PES1: variants seen among roughly 807,000 people sequenced by gnomAD.
The protein encoded by PES1 is pescadillo homolog.
In PES1, 31 loss-of-function variants were observed where a neutral mutation model predicts 77.1. The observed-to-expected ratio is 0.40, with a 90% CI of 0.30 to 0.54. The LOEUF is 0.54. Among genes scored for constraint, PES1 ranks in the 20% least tolerant of loss-of-function variants. The probability of loss-of-function intolerance (pLI) is 0.45; values close to 1 mark genes in which losing one functional copy is unlikely to be tolerated. For synonymous variants in PES1, 282 were observed against 303.0 expected, an observed-to-expected ratio of 0.93 and a Z score of 0.72; for missense variants, 658 against 771.7, an observed-to-expected ratio of 0.85 and a Z score of 1.75.
In PES1 at chr22:30,601,401, G is replaced by A. The variant is rs143283017; in HGVS notation, c.-661+4060C>T. On this transcript the variant is annotated intron_variant, in intron 2 of 16. Coordinates refer to the PES1 transcript ENST00000402281. ...GCGATCTCAGCTCACAGCAGCGTTC[G>A]CCTCCTGGGTTCCAGCGATTCTCCT... 1.8e-3 allele frequency among the ~76,000 whole-genome samples: 278 copies of A among 152,046 alleles called. 5 individuals are homozygous for A. The highest frequency in any genetic ancestry group is 3.5e-4 in the Non-Finnish European group (24 of 67,998).
chr22:30,596,337 CAA>C (rs2087251705), upstream of PES1, among the ~76,000 whole-genome samples: 1 of 136,164 alleles, frequency 7.3e-6, no homozygotes. Context: ...ATTGTTTTTT[CAA>C]GTGTGTGTGT....
At chr22:30,594,683 A>AC (rs2087230485), upstream of PES1, among the ~76,000 whole-genome samples, 1 of 151,904 alleles carries the variant, frequency 6.6e-6, no homozygotes, top group Non-Finnish European at 1.5e-5. Flanking sequence ...AAAAAAAAAA[A>AC]ACACAGCCAG....
intron 2 of PES1, among the ~76,000 whole-genome samples, chr22:30,600,772 G>A (rs1275055747): frequency 2.0e-5 from 3 of 152,156 alleles, no homozygotes; most frequent in Admixed American, 6.5e-5. Context: ...CCGAGATCGC[G>A]TCACTGCACT....
intron 2 of PES1, chr22:30,604,244 C>T (rs1300557343): frequency 6.6e-6 from 1 of 152,182 alleles, no homozygotes; most frequent in African/African-American, 2.4e-5. Flanking sequence ...CAGCAAATTT[C>T]TGATTGCTTG....
chr22:30,597,835 C>G (rs367597952), intron 2 of PES1, among the ~76,000 whole-genome samples: 6 of 151,114 alleles, frequency 4.0e-5, no homozygotes, highest in African/African-American at 9.7e-5. Flanking sequence ...CTGCCCGACT[C>G]AGCTGTGGTA....
chr22:30,597,946 G>T (rs1046743899), intron 2 of PES1, among the ~76,000 whole-genome samples: 2 of 142,670 alleles, frequency 1.4e-5, no homozygotes, highest in East Asian at 2.0e-4. Flanking sequence ...TGCAGTGGCG[G>T]CATCTCGGCT....
In PES1 at chr22:30,591,799, T is replaced by C. The variant is rs1209729788; in HGVS notation, c.24+11A>G. 1 of 1,562,362 alleles carries C rather than the reference T, an allele frequency of 6.4e-7. No homozygotes were observed. Among genetic ancestry groups the C allele is most frequent in the East Asian group, 2.4e-5 (1 of 42,092 alleles). On this transcript the variant is annotated intron_variant, in intron 1 of 14. Transcript: ENST00000354694. ...CACCCCTCGGGAATCCCCACCGTCT[T>C]TCCCAATCACCTTCTTCTTCTCAAG...
At chr22:30,583,310 AG>A (rs2087014994) in intron 6 of PES1, among the ~76,000 whole-genome samples, 1 of 152,216 alleles carries the variant, frequency 6.6e-6, no homozygotes, top group African/African-American at 2.4e-5. Flanking sequence ...ACAGCCAGTC[AG>A]GGTAGGTTCC....
Position 30,589,309 on chromosome 22 carries a change from T to C in PES1, c.25-39A>G, listed in dbSNP as rs756184816. 8.6e-6 allele frequency: 13 copies of C among 1,512,366 alleles called. No homozygotes were observed. The African/African-American group carries it at 1.4e-4, about 16-fold the overall frequency. The allele number at this position is 1,512,366 out of a possible 1,614,324, so 93.7% of individuals were successfully genotyped here. ...AAAACAATTCTCCATTAGCAATGATTGTAGTGACTGACATCAAACTCTGGG... is the reference window on the plus strand; with the variant it reads ...AAAACAATTCTCCATTAGCAATGATCGTAGTGACTGACATCAAACTCTGGG... On this transcript the variant is annotated intron_variant, in intron 1 of 14. Coordinates refer to ENST00000354694, the MANE Select transcript of PES1 (RefSeq NM_014303.4).
At chr22:30,578,195 T>C (rs1039024592) in intron 14 of PES1, among the ~76,000 whole-genome samples, 3 of 152,198 alleles carry the variant, frequency 2.0e-5, no homozygotes, top group Non-Finnish European at 2.9e-5. Context: ...GGCAGGAGGA[T>C]TGCTTGAACC....
At chr22:30,603,956 G>A (rs1019336261) in intron 2 of PES1, 2 of 152,210 alleles carry the variant, frequency 1.3e-5, no homozygotes, top group African/African-American at 4.8e-5. Context: ...GGTTATTAAA[G>A]AATTGAAGGG....
At chr22:30,591,973 C>A (rs16988803), upstream of PES1, 114 of 1,399,144 alleles carry the variant, frequency 8.1e-5, 1 homozygote, top group African/African-American at 3.8e-4. Flanking sequence ...GATGCCTGTA[C>A]AAGTCCAGGG....
At chr22:30,598,995 C>G (rs568323165) in intron 2 of PES1, among the ~76,000 whole-genome samples, 4 of 134,346 alleles carry the variant, frequency 3.0e-5, no homozygotes, top group African/African-American at 1.1e-4. Flanking sequence ...TTCCTGGGTT[C>G]GAAGCGATTC....
chr22:30,604,774 C>T (rs2087411932), intron 2 of PES1, among the ~76,000 whole-genome samples: 3 of 152,108 alleles, frequency 2.0e-5, no homozygotes, highest in South Asian at 2.1e-4. Flanking sequence ...CTAGTTTTCA[C>T]CACAAATAGA....
intron 8 of PES1, 24 bp from the exon 9 acceptor site, chr22:30,581,125 T>A (rs760240387): frequency 3.2e-6 from 5 of 1,578,224 alleles, no homozygotes. Context: ...GGGGGCTGCT[T>A]GCAGTGGGGG....
At chr22:30,593,989 G>A (rs893365265), upstream of PES1, among the ~76,000 whole-genome samples, 3 of 152,116 alleles carry the variant, frequency 2.0e-5, no homozygotes, top group Non-Finnish European at 4.4e-5. Flanking sequence ...TTCCATAAAG[G>A]GAAGAGGTTT....
upstream of PES1, chr22:30,592,009 T>G: frequency 7.2e-7 from 1 of 1,382,146 alleles, no homozygotes; most frequent in Non-Finnish European, 9.3e-7. Flanking sequence ...CTCCTCAAGA[T>G]TTAAAACTAT....
Position 30,591,819 on chromosome 22 carries a change from C to G in PES1, c.15G>C (p.Glu5Asp). 1 of 1,564,602 alleles carries G rather than the reference C, an allele frequency of 6.4e-7. No individual in the cohort carries two copies. The highest frequency in any genetic ancestry group is 8.7e-7 in the Non-Finnish European group (1 of 1,155,352). ...CGTCTTTCCCAATCACCTTCTTCTT[C>G]TCAAGGCCTCCCATCGCTCCACGTT... MGGL[E>D]KKKYERGSAT... The change falls in exon 1 of 15, where the codon GAG (glutamate) becomes GAC (aspartate). Residue 5 changes from glutamate (E) to aspartate (D), a missense_variant. Glu to Asp is a conservative substitution (Grantham distance 45). Coordinates refer to ENST00000354694, the MANE Select transcript of PES1 (RefSeq NM_014303.4).
At chr22:30,604,520 C>T (rs1021030591) in intron 2 of PES1, among the ~76,000 whole-genome samples, 1 of 151,974 alleles carries the variant, frequency 6.6e-6, no homozygotes. Flanking sequence ...GTGATGTCAG[C>T]TACTCAAGAG....
Sources: gnomAD v4.1 joint callset for allele counts (sites outside exome capture counted in the v4.1 genomes callset) on GRCh38, gnomAD v4.1.1 for gene constraint, MANE v1.5 for transcripts, NCBI Gene and HGNC (gene_info 2026-07-23, HGNC 2026-07-21) for gene names.